The following NXPH1 variants were observed in gnomAD, a reference collection of about 807,000 sequenced individuals.
NXPH1 encodes the protein neurexophilin-1.
NXPH1 carries 5 observed loss-of-function variants against 23.7 expected under a neutral mutation model. The observed-to-expected ratio is 0.21, with a 90% confidence interval of 0.11 to 0.44. NXPH1 has a LOEUF of 0.44. Ranked by LOEUF, NXPH1 falls within the 20% of genes least tolerant of loss-of-function variation. The probability of loss-of-function intolerance (pLI) is 0.99; values close to 1 mark genes in which losing one functional copy is unlikely to be tolerated. For synonymous variants in NXPH1, 144 were observed against 122.2 expected (o/e 1.18, Z -1.18); for missense variants, 324 against 321.6 (o/e 1.01, Z -0.06).
At chr7:8,536,280 T>C (rs1818024266) in intron 2 of NXPH1, among the ~76,000 whole-genome samples, 1 of 152,082 alleles carries the variant, frequency 6.6e-6, no homozygotes, top group African/African-American at 2.4e-5. Flanking sequence ...TGTTTGAAGC[T>C]CAATGCTGAT....
chr7:8,603,420 GT>G (rs113680629), intron 2 of NXPH1, among the ~76,000 whole-genome samples: 1 of 151,820 alleles, frequency 6.6e-6, no homozygotes, highest in African/African-American at 2.4e-5. Flanking sequence ...TTTTGTTTTT[GT>G]TTTTTTGCTC....
chr7:8,679,013 T>C (rs1264473008), intron 2 of NXPH1, among the ~76,000 whole-genome samples: 1 of 142,660 alleles, frequency 7.0e-6, no homozygotes, highest in Non-Finnish European at 1.5e-5. Flanking sequence ...AGTGGCACGA[T>C]TTCGGCTCAC....
chr7:8,705,383 A>G (rs956673946), intron 2 of NXPH1, among the ~76,000 whole-genome samples: 2 of 152,150 alleles, frequency 1.3e-5, no homozygotes, highest in African/African-American at 4.8e-5. Flanking sequence ...TTCTGGCAGG[A>G]TGGGACATGG....
intron 2 of NXPH1, among the ~76,000 whole-genome samples, chr7:8,616,853 T>TAA (rs138078881): frequency 0.02 from 2,866 of 141,764 alleles, 87 homozygotes; most frequent in African/African-American, 0.067. Flanking sequence ...AAGTTTATGT[T>TAA]AAAAAAAAAA....
At chr7:8,701,676 A>G (rs1779625144) in intron 2 of NXPH1, among the ~76,000 whole-genome samples, 1 of 152,070 alleles carries the variant, frequency 6.6e-6, no homozygotes, top group Non-Finnish European at 1.5e-5. Flanking sequence ...TGTTTTAATC[A>G]TCTATGTAGA....
At position 8,628,242 on chromosome 7, in the gene NXPH1, A is replaced by G. The variant is rs140718904; in HGVS notation, c.55-122766A>G. ...GAAGAGAAATGAAAAAGTGCAAAGA[A>G]AAAACGTCACTAACATGTTACAGAG... On this transcript the variant is annotated intron_variant, in intron 2 of 2. Coordinates refer to ENST00000405863, the MANE Select transcript of NXPH1 (RefSeq NM_152745.3). 5.3e-3 allele frequency among the ~76,000 whole-genome samples: 803 copies of G among 152,274 alleles called. 6 individuals are homozygous for G. Among genetic ancestry groups the G allele is most frequent in the African/African-American group, 0.018 (753 of 41,580 alleles).
At chr7:8,504,047 T>G (rs1278782820) in intron 2 of NXPH1, among the ~76,000 whole-genome samples, 1 of 152,050 alleles carries the variant, frequency 6.6e-6, no homozygotes, top group Non-Finnish European at 1.5e-5. Context: ...CAACTTTGTT[T>G]CTGCCCTGCC....
chr7:8,609,567 T>C (rs977155791), intron 2 of NXPH1, among the ~76,000 whole-genome samples: 18 of 152,162 alleles, frequency 1.2e-4, no homozygotes, highest in African/African-American at 4.3e-4. Flanking sequence ...CGAAAAGATA[T>C]TTCTTGGTAC....
At chr7:8,556,049 T>G (rs1287191801) in intron 2 of NXPH1, among the ~76,000 whole-genome samples, 2 of 151,704 alleles carry the variant, frequency 1.3e-5, no homozygotes, top group Non-Finnish European at 1.5e-5. Context: ...ATATTTTTAC[T>G]CATGCAGTTG....
At chr7:8,740,213 C>T (rs781720544) in intron 2 of NXPH1, among the ~76,000 whole-genome samples, 28 of 152,266 alleles carry the variant, frequency 1.8e-4, no homozygotes, top group East Asian at 3.9e-4. Context: ...CTGCATGTAA[C>T]GCTATATTTA....
intron 2 of NXPH1, among the ~76,000 whole-genome samples, chr7:8,464,974 C>A (rs949072645): frequency 6.6e-6 from 1 of 152,092 alleles, no homozygotes; most frequent in Non-Finnish European, 1.5e-5. Flanking sequence ...CCAAAATGTG[C>A]TTTGGGAAAC....
intron 2 of NXPH1, among the ~76,000 whole-genome samples, chr7:8,579,529 T>C (rs1159982824): frequency 6.6e-6 from 1 of 152,078 alleles, no homozygotes; most frequent in African/African-American, 2.4e-5. Flanking sequence ...TGCACCACCA[T>C]GCCCAGCTAA....
At chr7:8,549,046 A>G (rs1426314716) in intron 2 of NXPH1, among the ~76,000 whole-genome samples, 1 of 151,562 alleles carries the variant, frequency 6.6e-6, no homozygotes, top group African/African-American at 2.4e-5. Context: ...ATTGAAAGAT[A>G]AAGTCCCACT....
At chr7:8,552,172 A>G (rs1368100096) in intron 2 of NXPH1, among the ~76,000 whole-genome samples, 1 of 148,866 alleles carries the variant, frequency 6.7e-6, no homozygotes, top group Non-Finnish European at 1.5e-5. Flanking sequence ...CGTTAAGGAG[A>G]GTAATGTAAT....
chr7:8,731,588 G>T (rs998484048), intron 2 of NXPH1, among the ~76,000 whole-genome samples: 2 of 152,142 alleles, frequency 1.3e-5, no homozygotes, highest in African/African-American at 4.8e-5. Flanking sequence ...AGGTCTGTTG[G>T]AGTACTCGGC....
chr7:8,692,207 T>C (rs1009005175), intron 2 of NXPH1, among the ~76,000 whole-genome samples: 2 of 151,988 alleles, frequency 1.3e-5, no homozygotes, highest in Non-Finnish European at 2.9e-5. Context: ...TGGAATATAA[T>C]TGAAGTGTGT....
intron 2 of NXPH1, among the ~76,000 whole-genome samples, chr7:8,628,365 T>C (rs986916022): frequency 7.5e-6 from 1 of 132,784 alleles, no homozygotes; most frequent in Non-Finnish European, 1.6e-5. Flanking sequence ...ATTTTATGCA[T>C]AGGTGTTTTT....
intron 2 of NXPH1, among the ~76,000 whole-genome samples, chr7:8,599,228 T>A (rs894962943): frequency 1.3e-5 from 2 of 151,846 alleles, no homozygotes; most frequent in Non-Finnish European, 2.9e-5. Context: ...GCCTTAGGAG[T>A]GAGAAGGATA....
chr7:8,491,225 C>T (rs1817243487), intron 2 of NXPH1, among the ~76,000 whole-genome samples: 1 of 151,996 alleles, frequency 6.6e-6, no homozygotes, highest in South Asian at 2.1e-4. Context: ...TCCAGCCAGG[C>T]ATAATTTATC....
Sources: allele counts gnomAD v4.1 joint callset (sites outside exome capture counted in the v4.1 genomes callset), GRCh38; gene constraint gnomAD v4.1.1; transcripts MANE v1.5; gene names NCBI Gene and HGNC (gene_info 2026-07-23, HGNC 2026-07-21).